The following ADAM17 variants were observed in gnomAD, a reference collection of about 807,000 sequenced individuals.
ADAM17 encodes disintegrin and metalloproteinase domain-containing protein 17.
In ADAM17, 39 loss-of-function variants were observed where a neutral mutation model predicts 96.7. That is an observed-to-expected ratio of 0.40 (90% CI 0.31 to 0.53). The LOEUF (loss-of-function observed/expected upper bound fraction) is 0.53. Among genes scored for constraint, ADAM17 ranks in the 20% least tolerant of loss-of-function variants. The pLI is 0.44. For synonymous variants in ADAM17, 344 were observed against 359.2 expected (o/e 0.96, Z 0.48); for missense variants, 777 against 1,013.2 (o/e 0.77, Z 3.17).
At chr2:9,500,943 T>C (rs1054398000) in intron 13 of ADAM17, among the ~76,000 whole-genome samples, 4 of 152,244 alleles carry the variant, frequency 2.6e-5, no homozygotes, top group African/African-American at 9.6e-5. Flanking sequence ...GGAAAATATC[T>C]TTTTAACCAT....
chr2:9,493,289 C>CA (rs1558492896), intron 16 of ADAM17, among the ~76,000 whole-genome samples: 1 of 152,136 alleles, frequency 6.6e-6, no homozygotes, highest in East Asian at 1.9e-4. Context: ...CTTAAGAAGA[C>CA]AAAGTTTTTG....
At chr2:9,509,679 T>C (rs1572912958) in intron 11 of ADAM17, among the ~76,000 whole-genome samples, 2 of 152,324 alleles carry the variant, frequency 1.3e-5, no homozygotes, top group Admixed American at 1.3e-4. Context: ...ACATAAAGCC[T>C]GAGCCCACCA....
At chr2:9,494,494 A>T in intron 15 of ADAM17, 143 bp downstream of exon 15, 1 of 938,186 alleles carries the variant, frequency 1.1e-6, no homozygotes, top group Non-Finnish European at 1.6e-6. Flanking sequence ...TTCTCCTCCT[A>T]AGTAATACCC....
intron 1 of ADAM17, among the ~76,000 whole-genome samples, chr2:9,546,235 T>C (rs183229758): frequency 2.7e-4 from 41 of 152,292 alleles, no homozygotes; most frequent in African/African-American, 9.1e-4. Flanking sequence ...GACAGTAACA[T>C]CATTGGTTAT....
chr2:9,525,708 G>A (rs781232797), intron 6 of ADAM17, among the ~76,000 whole-genome samples: 8 of 152,088 alleles, frequency 5.3e-5, no homozygotes, highest in African/African-American at 1.2e-4. Context: ...AACAAAACTC[G>A]CCTTCCTCTC....
intron 4 of ADAM17, 31 bp from the exon 5 acceptor site, chr2:9,527,985 GA>G (rs747354223): frequency 2.9e-6 from 4 of 1,361,348 alleles, no homozygotes; most frequent in Admixed American, 2.7e-5. Context: ...GACTGAGATG[GA>G]AAACAATAAT....
Position 9,489,259 on chromosome 2 carries a change from A to ATTTTTTTTTTTTTTTTTTTTTTT in ADAM17, c.*895_*917dup, listed in dbSNP as rs34525911. 24 of 87,398 alleles carry ATTTTTTTTTTTTTTTTTTTTTTT rather than the reference A, an allele frequency of 2.7e-4. 2 individuals carry two copies. The highest frequency in any genetic ancestry group is 1.5e-3 in the African/African-American group (24 of 15,528). 5.4% of individuals were successfully genotyped at this position (87,398 alleles called of 1,614,324 possible). ...AATATTCTAGGTTTGTAGATAGTGA[A>ATTTTTTTTTTTTTTTTTTTTTTT]TTTTTTTTTTTTTTTTTTTTTTTTG... is the stretch of plus-strand genomic sequence containing the variant. On this transcript the variant is annotated 3_prime_UTR_variant, in exon 19 of 19. Coordinates refer to ENST00000310823, the MANE Select transcript of ADAM17 (RefSeq NM_003183.6).
At chr2:9,526,312 T>C in intron 5 of ADAM17, 68 bp from the exon 6 acceptor site, 1 of 1,481,518 alleles carries the variant, frequency 6.7e-7, no homozygotes, top group Non-Finnish European at 9.2e-7. Flanking sequence ...GGTAACACTT[T>C]AAATCTAACA....
chr2:9,494,837 C>G (rs1662445116), intron 14 of ADAM17, 70 bp from the exon 15 acceptor site: 3 of 1,575,022 alleles, frequency 1.9e-6, no homozygotes, highest in South Asian at 2.3e-5. Flanking sequence ...CTCCTCTTTC[C>G]TCCCTGACCA....
intron 4 of ADAM17, among the ~76,000 whole-genome samples, chr2:9,533,014 C>A (rs964715798): frequency 2.0e-5 from 3 of 151,836 alleles, no homozygotes; most frequent in Non-Finnish European, 2.9e-5. Context: ...CACAGTGAAA[C>A]CCCATCTCTA....
In ADAM17 at chr2:9,494,526, G is replaced by T. The variant is rs1444907901; in HGVS notation, c.1914+111C>A. The T allele has an allele frequency of 8.7e-6, 11 of 1,263,624 alleles. No homozygotes were observed. In the Admixed American group the frequency reaches 2.1e-4, roughly 24 times the overall value. The allele number at this position is 1,263,624 out of a possible 1,614,324, so 78.3% of individuals were successfully genotyped here. A position where few individuals can be genotyped will look rare whatever the true frequency, so the allele number is the denominator to read the frequency against. ...ACCCGTAGATAACAATGGGCCAGAA[G>T]GATGTAGCCCCACTTGTGTTTTGAT... On this transcript the variant is annotated intron_variant, in intron 15 of 18. Coordinates refer to ENST00000310823, the MANE Select transcript of ADAM17 (RefSeq NM_003183.6).
chr2:9,551,486 G>A (rs1456499040), intron 1 of ADAM17, among the ~76,000 whole-genome samples: 1 of 152,178 alleles, frequency 6.6e-6, no homozygotes, highest in African/African-American at 2.4e-5. Flanking sequence ...TTGAGATGGA[G>A]TCTTGCTCTG....
chr2:9,534,614 C>T (rs780517218), intron 4 of ADAM17, among the ~76,000 whole-genome samples: 19 of 151,784 alleles, frequency 1.3e-4, no homozygotes, highest in Admixed American at 3.9e-4. Context: ...TATTGTTAAA[C>T]GAAAAATGTG....
At chr2:9,521,540 T>C (rs1032668298) in intron 7 of ADAM17, 5 of 218,524 alleles carry the variant, frequency 2.3e-5, no homozygotes, top group Non-Finnish European at 4.5e-5. Context: ...ATATTATAAA[T>C]GTACTCTTAA....
chr2:9,544,449 C>T (rs1384731516), intron 1 of ADAM17, among the ~76,000 whole-genome samples: 1 of 152,098 alleles, frequency 6.6e-6, no homozygotes, highest in South Asian at 2.1e-4. Flanking sequence ...CGCTTGAACC[C>T]AGGAGGCAGA....
chr2:9,502,762 C>G (rs1421269685), intron 12 of ADAM17, among the ~76,000 whole-genome samples: 1 of 150,642 alleles, frequency 6.6e-6, no homozygotes, highest in East Asian at 1.9e-4. Context: ...TCCTGTAATC[C>G]CAGCTACTTA....
chr2:9,521,129 T>C, intron 8 of ADAM17, 74 bp downstream of exon 8: 1 of 1,252,984 alleles, frequency 8.0e-7, no homozygotes, highest in Non-Finnish European at 1.2e-6. Flanking sequence ...TGCTCCTTCA[T>C]TAAAACACAT....
intron 10 of ADAM17, among the ~76,000 whole-genome samples, chr2:9,514,390 G>A (rs1211939742): frequency 6.8e-6 from 1 of 147,420 alleles, no homozygotes; most frequent in African/African-American, 2.5e-5. Flanking sequence ...GGAAGGGATA[G>A]CATTAGGAGA....
chr2:9,517,314 CAAAGAT>C (rs1336594455), intron 10 of ADAM17, among the ~76,000 whole-genome samples: 1 of 152,018 alleles, frequency 6.6e-6, no homozygotes, highest in African/African-American at 2.4e-5. Flanking sequence ...AGGTGACAAA[CAAAGAT>C]AAGAACTCAA....
Sources: allele counts gnomAD v4.1 joint callset (sites outside exome capture counted in the v4.1 genomes callset), GRCh38; gene constraint gnomAD v4.1.1; transcripts MANE v1.5; gene names NCBI Gene and HGNC (gene_info 2026-07-23, HGNC 2026-07-21).